PRKAR1A: variants seen among roughly 807,000 people sequenced by gnomAD.
PRKAR1A encodes the protein protein kinase cAMP-dependent type I regulatory subunit alpha.
A neutral mutation model predicts 52.0 loss-of-function variants in PRKAR1A; 3 were observed. The observed-to-expected ratio is 0.06, with a 90% confidence interval of 0.03 to 0.15. PRKAR1A has a LOEUF of 0.15. PRKAR1A is among the 10% of genes least tolerant of loss of function. The pLI, the probability that PRKAR1A is intolerant of heterozygous loss-of-function variation, is 1.00. For missense variants in PRKAR1A, 240 were observed against 477.4 expected, an observed-to-expected ratio of 0.50 and a Z score of 4.63; for synonymous variants, 188 against 168.4, an observed-to-expected ratio of 1.12 and a Z score of -0.90.
chr17:68,435,353 G>A, the PRKAR1A span, among the ~76,000 whole-genome samples: 6 of 152,304 alleles, frequency 3.9e-5, no homozygotes, highest in East Asian at 1.2e-3. Context: ...TACGGCTGAT[G>A]TACACGTACA....
rs375239425 is a variant in PRKAR1A, at chr17:68,527,910, A to G, written c.769+10A>G. 6.2e-7 allele frequency: 1 copy of G among 1,603,422 alleles called. No individual in the cohort carries two copies. Among genetic ancestry groups the G allele is most frequent in the East Asian group, 2.2e-5 (1 of 44,744 alleles). On this transcript the variant is annotated intron_variant, in intron 8 of 10. Coordinates refer to ENST00000589228, the MANE Select transcript of PRKAR1A (RefSeq NM_002734.5). Reference sequence around the variant, plus strand: ...AAAGTCTCTATTTTAGGTGAGTTGTAAAGTGTGTTAACTTTGCTAGTATGT... The same window carrying G: ...AAAGTCTCTATTTTAGGTGAGTTGTGAAGTGTGTTAACTTTGCTAGTATGT...
At chr17:68,417,733 AT>A in the PRKAR1A span, among the ~76,000 whole-genome samples, 157 of 60,792 alleles carry the variant, frequency 2.6e-3, no homozygotes, top group Middle Eastern at 0.021. Context: ...GAGTTGCTGA[AT>A]TTTTTTTTTT....
At chr17:68,464,987 G>A in the PRKAR1A span, among the ~76,000 whole-genome samples, 4 of 150,158 alleles carry the variant, frequency 2.7e-5, no homozygotes, top group East Asian at 2.0e-4. Flanking sequence ...GTGCAGTGGC[G>A]TGATCTCCGC....
the PRKAR1A span, among the ~76,000 whole-genome samples, chr17:68,446,177 C>T: frequency 6.6e-6 from 1 of 152,050 alleles, no homozygotes; most frequent in African/African-American, 2.4e-5. Context: ...AATTTAAACA[C>T]ATTTCTCAAT....
At chr17:68,426,251 G>GGGGGGGT in the PRKAR1A span, 9 of 825,454 alleles carry the variant, frequency 1.1e-5, no homozygotes, top group Admixed American at 2.3e-5. Context: ...GTGGGGAGCG[G>GGGGGGGT]GGGCTCAAAT....
chr17:68,490,881 A>T, the PRKAR1A span, among the ~76,000 whole-genome samples: 1 of 151,996 alleles, frequency 6.6e-6, no homozygotes, highest in Non-Finnish European at 1.5e-5. Context: ...AGTGGGTCCC[A>T]TGTTTATCCT....
intron 11 of PRKAR1A, chr17:68,542,844 T>C (rs758067800): frequency 6.6e-7 from 1 of 1,524,052 alleles, no homozygotes; most frequent in South Asian, 1.1e-5. Context: ...ATCTGAGGGA[T>C]GATCAGGGAG....
At chr17:68,523,210 C>T (rs570655320) in intron 3 of PRKAR1A, among the ~76,000 whole-genome samples, 6 of 152,206 alleles carry the variant, frequency 3.9e-5, no homozygotes, top group East Asian at 1.9e-4. Flanking sequence ...TCTCTTGAAT[C>T]GTGATGTCCT....
Position 68,525,852 on chromosome 17 carries a change from A to C in PRKAR1A, c.648A>C (p.Lys216Asn). Residue 216 changes from lysine to asparagine, a missense_variant, in exon 7 of 11, where the codon AAA becomes AAC. By Grantham distance (94) the Lys-to-Asn change is moderately conservative (BLOSUM62 0). Around this residue, in one of 4 missense-constraint regions of PRKAR1A, gnomAD observed 107 missense variants for 290.9 expected, o/e 0.37. Transcript: ENST00000589228. ...GAACACCGAGAGCAGCCACTGTCAA[A>C]GCAAAGACAAATGTGAAATTGTGGG... ...IYGTPRAATV[K>N]AKTNVKLWGI... 6.2e-7 allele frequency: 1 copy of C among 1,613,972 alleles called. No homozygotes were observed. Among genetic ancestry groups the C allele is most frequent in the Non-Finnish European group, 8.5e-7 (1 of 1,179,950 alleles).
At chr17:68,533,898 T>C (rs1441285527), downstream of PRKAR1A, among the ~76,000 whole-genome samples, 1 of 152,134 alleles carries the variant, frequency 6.6e-6, no homozygotes, top group East Asian at 1.9e-4. Flanking sequence ...CAGCTAGTTT[T>C]TTGTATTTTT....
the PRKAR1A span, among the ~76,000 whole-genome samples, chr17:68,506,116 AGAAG>A: frequency 6.6e-6 from 1 of 152,228 alleles, no homozygotes; most frequent in Non-Finnish European, 1.5e-5. Flanking sequence ...AACCAAACTG[AGAAG>A]TTGCCACAGT....
At chr17:68,434,629 G>C in the PRKAR1A span, 1 of 1,613,872 alleles carries the variant, frequency 6.2e-7, no homozygotes, top group Non-Finnish European at 8.5e-7. Flanking sequence ...ACTGTGCCCT[G>C]GAAAAGAAAG....
In PRKAR1A at chr17:68,529,801, AGTCATTTT is replaced by A; in HGVS notation, c.892-118_892-111del. The A allele has an allele frequency of 9.2e-6, 9 of 978,092 alleles. No individual in the cohort carries two copies. The South Asian group carries it at 1.0e-4, about 11-fold the overall frequency. 60.6% of individuals were successfully genotyped at this position (978,092 alleles called of 1,614,324 possible). A position where few individuals can be genotyped will look rare whatever the true frequency, so the allele number is the denominator to read the frequency against. On this transcript the variant is annotated intron_variant, in intron 9 of 10. Transcript: ENST00000589228. The stretch of plus-strand genomic sequence containing the variant: ...AAGCTCATGTGGTGACTAACTTTAA[AGTCATTTT>A]TTATCATATGCACACATTTGCAAGG...
At chr17:68,436,977 G>C in the PRKAR1A span, among the ~76,000 whole-genome samples, 1,218 of 145,344 alleles carry the variant, frequency 8.4e-3, 20 homozygotes, top group African/African-American at 0.03. Flanking sequence ...CTGGGCTACA[G>C]AGTGAGACCC....
chr17:68,539,717 G>T (rs751432566), intron 11 of PRKAR1A, among the ~76,000 whole-genome samples: 1 of 152,222 alleles, frequency 6.6e-6, no homozygotes, highest in Non-Finnish European at 1.5e-5. Flanking sequence ...AGTGGTTCTT[G>T]CAAAGGTAAA....
rs76534120 is a variant in PRKAR1A at position 68,525,520 on chromosome 17, T to C, written c.550-234T>C. 6.6e-3 allele frequency among the ~76,000 whole-genome samples: 1,009 copies of C among 152,284 alleles called. 8 individuals are homozygous for C. The highest frequency in any genetic ancestry group is 0.023 in the African/African-American group (971 of 41,554). The stretch of plus-strand genomic sequence containing the variant: ...AGCTGACCTTTTTCCCTTACATCCT[T>C]ACAGAGTGCTTTTTTCTTATCAGAT... On this transcript the variant is annotated intron_variant, in intron 6 of 10. Transcript: ENST00000589228.
At chr17:68,546,267 T>G (rs2086561443) in intron 11 of PRKAR1A, among the ~76,000 whole-genome samples, 1 of 151,616 alleles carries the variant, frequency 6.6e-6, no homozygotes, top group South Asian at 2.1e-4. Flanking sequence ...ACTCCACTTC[T>G]AATTCTAGTT....
chr17:68,418,644 T>C, the PRKAR1A span, among the ~76,000 whole-genome samples: 1 of 152,184 alleles, frequency 6.6e-6, no homozygotes, highest in African/African-American at 2.4e-5. Flanking sequence ...TGTATTGAGT[T>C]GCATGTTGGC....
At chr17:68,484,060 T>C in the PRKAR1A span, among the ~76,000 whole-genome samples, 1 of 152,202 alleles carries the variant, frequency 6.6e-6, no homozygotes, top group African/African-American at 2.4e-5. Context: ...TTCTAGGTAT[T>C]TGTGCCTTTC....
Sources: allele counts gnomAD v4.1 joint callset (sites outside exome capture counted in the v4.1 genomes callset), GRCh38; gene constraint gnomAD v4.1.1; regional missense constraint gnomAD v4.1.1; transcripts MANE v1.5; gene names NCBI Gene and HGNC (gene_info 2026-07-23, HGNC 2026-07-21).